Variants in PRRC2C observed in about 807,000 individuals in gnomAD.
PRRC2C encodes the protein proline rich coiled-coil 2C, also known as protein PRRC2C.
Under a neutral mutation model 317.2 loss-of-function variants are expected in PRRC2C, and 72 were observed. That is an observed-to-expected ratio of 0.23 (90% CI 0.19 to 0.28). PRRC2C has a LOEUF of 0.28. Among genes scored for constraint, PRRC2C ranks in the 10% least tolerant of loss-of-function variants. The pLI is 1.00. For missense variants in PRRC2C, 3,074 were observed against 3,459.7 expected, an observed-to-expected ratio of 0.89 and a Z score of 2.80; for synonymous variants, 1,296 against 1,205.9, an observed-to-expected ratio of 1.07 and a Z score of -1.55.
intron 2 of PRRC2C, 53 bp from the exon 3 acceptor site, chr1:171,512,942 A>G (rs949278639): frequency 1.4e-6 from 2 of 1,474,622 alleles, no homozygotes; most frequent in African/African-American, 2.8e-5. Flanking sequence ...TTTGAGGAAT[A>G]AAATGGGTAA....
At chr1:171,587,911 AT>A (rs1393785561) in intron 32 of PRRC2C, among the ~76,000 whole-genome samples, 160 bp downstream of exon 32, 1 of 152,210 alleles carries the variant, frequency 6.6e-6, no homozygotes, top group African/African-American at 2.4e-5. Context: ...CTTTTAAATT[AT>A]TTAAAATGTG....
At chr1:171,492,207 A>ACT (rs1553200255) in intron 1 of PRRC2C, among the ~76,000 whole-genome samples, 1 of 152,244 alleles carries the variant, frequency 6.6e-6, no homozygotes, top group Non-Finnish European at 1.5e-5. Context: ...CAACTGTAGA[A>ACT]CTAGAGTCTT....
chr1:171,589,994 T>TTA (rs1369820492), intron 34 of PRRC2C, among the ~76,000 whole-genome samples: 2 of 150,932 alleles, frequency 1.3e-5, no homozygotes, highest in East Asian at 3.9e-4. Context: ...TTTTTTTTTT[T>TTA]TTTTTTAATA....
At position 171,540,254 on chromosome 1, in the gene PRRC2C, G is replaced by C. The variant is rs770571941; in HGVS notation, c.2788G>C (p.Gly930Arg). ...QPSRKRSVSHGSNHTQKPDEQ... is the reference protein window; with the variant it reads ...QPSRKRSVSHRSNHTQKPDEQ... ...TTCCCGGAAAAGAAGTGTTTCCCATGGATCTAACCATACGCAAAAACCAGA... is the reference window on the plus strand; with the variant it reads ...TTCCCGGAAAAGAAGTGTTTCCCATCGATCTAACCATACGCAAAAACCAGA... The change falls in exon 16 of 35, where the codon GGA (glycine) becomes CGA (arginine). Residue 930 changes from glycine to arginine, a missense_variant. Physicochemically the swap from Gly to Arg is moderately radical, Grantham distance 125 (BLOSUM62 -2). Coordinates refer to ENST00000647382, the MANE Select transcript of PRRC2C (RefSeq NM_001387844.1). 3 of 1,613,812 alleles carry C rather than the reference G, an allele frequency of 1.9e-6. No homozygotes were observed. Among genetic ancestry groups the C allele is most frequent in the South Asian group, 2.2e-5 (2 of 91,034 alleles).
chr1:171,528,211 T>A (rs987232049), intron 11 of PRRC2C, among the ~76,000 whole-genome samples: 1 of 152,054 alleles, frequency 6.6e-6, no homozygotes. Context: ...CAAAAACCTC[T>A]CTCTTTACAT....
chr1:171,538,024 C>A (rs1157043347), intron 15 of PRRC2C, among the ~76,000 whole-genome samples: 1 of 152,190 alleles, frequency 6.6e-6, no homozygotes, highest in African/African-American at 2.4e-5. Flanking sequence ...CCTCAGCCTC[C>A]TGAGTAGCTG....
intron 20 of PRRC2C, among the ~76,000 whole-genome samples, chr1:171,565,310 T>TA (rs1488314556): frequency 1.3e-5 from 2 of 152,208 alleles, no homozygotes; most frequent in Non-Finnish European, 2.9e-5. Flanking sequence ...GCTGGTCTCT[T>TA]AACCCTATTT....
At chr1:171,506,687 TTGTGTGTG>T (rs34060083) in intron 1 of PRRC2C, among the ~76,000 whole-genome samples, 50 of 136,602 alleles carry the variant, frequency 3.7e-4, no homozygotes, top group Admixed American at 1.8e-3. Context: ...TTTTTTTTCT[TTGTGTGTG>T]TGTGTGTGTG....
intron 26 of PRRC2C, among the ~76,000 whole-genome samples, chr1:171,578,191 A>G (rs1281046415): frequency 6.6e-6 from 1 of 152,154 alleles, no homozygotes. Flanking sequence ...TCATATGGAT[A>G]CATTTAAGCT....
chr1:171,557,186 A>G, intron 18 of PRRC2C, 54 bp from the exon 19 acceptor site: 2 of 1,478,784 alleles, frequency 1.4e-6, no homozygotes, highest in Non-Finnish European at 1.8e-6. Flanking sequence ...GCATTTATGA[A>G]CTGTTGCATT....
chr1:171,586,910 T>G, intron 30 of PRRC2C, 93 bp from the exon 31 acceptor site: 1 of 1,002,498 alleles, frequency 1.0e-6, no homozygotes, highest in Non-Finnish European at 1.5e-6. Flanking sequence ...GAAATCTTAC[T>G]CAAAAGTATT....
At chr1:171,485,825 G>A (rs946750845) in intron 1 of PRRC2C, 90 bp downstream of exon 1, 3 of 152,294 alleles carry the variant, frequency 2.0e-5, no homozygotes, top group African/African-American at 7.2e-5. Context: ...AGCGCACCCA[G>A]ACCCTGGCGC....
At position 171,557,419 on chromosome 1, in the gene PRRC2C, A is replaced by G; in HGVS notation, c.5307A>G (p.Ser1769=). 6.5e-7 allele frequency: 1 copy of G among 1,546,974 alleles called. No homozygotes were observed. Among genetic ancestry groups the G allele is most frequent in the South Asian group, 1.2e-5 (1 of 83,782 alleles). The change falls in exon 19 of 35, where the codon TCA becomes TCG. Residue 1769 remains serine, a synonymous_variant. Coordinates refer to ENST00000647382, the MANE Select transcript of PRRC2C (RefSeq NM_001387844.1). ...STSASVPAST[S]APLPATLTPV... ...CAGCTTCAGTTCCAGCCTCAACCTC[A>G]GCTCCACTTCCGGCAACCTTAACTC...
At chr1:171,535,371 T>C in intron 12 of PRRC2C, 57 bp from the exon 13 acceptor site, 1 of 1,469,694 alleles carries the variant, frequency 6.8e-7, no homozygotes, top group East Asian at 2.3e-5. Context: ...GTAAAAATCC[T>C]GTGTTTGATA....
chr1:171,545,468 T>C lies in PRRC2C; in HGVS notation c.4764-11T>C. ...GTGGAAATAGTAATATCTCAAGTTA[T>C]TTTTTTGTAGGCCATTTGATGACCA... On this transcript the variant is annotated splice_polypyrimidine_tract_variant and intron_variant, in intron 16 of 34. Transcript: ENST00000647382. The C allele has an allele frequency of 6.5e-7, 1 of 1,546,110 alleles. No homozygotes were observed. The highest frequency in any genetic ancestry group is 1.2e-5 in the South Asian group (1 of 82,630).
chr1:171,589,340 A>G (rs985890434), intron 33 of PRRC2C, 29 bp from the exon 34 acceptor site: 15 of 839,028 alleles, frequency 1.8e-5, no homozygotes, highest in East Asian at 6.5e-5. Context: ...TAACAGTTCA[A>G]TGTTGTATGT....
intron 17 of PRRC2C, 135 bp downstream of exon 17, chr1:171,545,822 A>G (rs1679015945): frequency 5.9e-6 from 3 of 512,188 alleles, no homozygotes; most frequent in African/African-American, 2.1e-5. Context: ...TTCAAGGTAT[A>G]CATAGTGGCT....
intron 3 of PRRC2C, 36 bp downstream of exon 3, chr1:171,513,208 C>A (rs190437941): frequency 1.3e-6 from 2 of 1,567,886 alleles, no homozygotes; most frequent in Non-Finnish European, 8.6e-7. Flanking sequence ...AAGCCCTTCC[C>A]CTTTCTTTGT....
chr1:171,538,882 TG>T (rs1677352522), intron 15 of PRRC2C, among the ~76,000 whole-genome samples: 1 of 152,146 alleles, frequency 6.6e-6, no homozygotes, highest in Non-Finnish European at 1.5e-5. Flanking sequence ...GGCTAATTTT[TG>T]TATTTTTTGT....
Sources: allele counts gnomAD v4.1 joint callset (sites outside exome capture counted in the v4.1 genomes callset), GRCh38; gene constraint gnomAD v4.1.1; transcripts MANE v1.5; gene names NCBI Gene and HGNC (gene_info 2026-07-23, HGNC 2026-07-21).